Variants in TCF7L2 observed in about 807,000 individuals in gnomAD.
The protein encoded by TCF7L2 is transcription factor 7 like 2, also known as transcription factor 7-like 2.
TCF7L2 carries 23 observed loss-of-function variants against 77.9 expected under a neutral mutation model. The ratio of observed to expected loss-of-function variants is 0.30; its 90% CI spans 0.21 to 0.42. The LOEUF (loss-of-function observed/expected upper bound fraction) is 0.42, where lower values mean the gene tolerates loss of function less well. Among genes scored for constraint, TCF7L2 ranks in the 10% least tolerant of loss-of-function variants. TCF7L2 has a pLI of 1.00. For synonymous variants in TCF7L2, 413 were observed against 340.2 expected (o/e 1.21, Z -2.36); for missense variants, 654 against 793.1 (o/e 0.82, Z 2.11).
At chr10:113,095,713 A>T (rs1176183869) in intron 5 of TCF7L2, among the ~76,000 whole-genome samples, 1 of 152,104 alleles carries the variant, frequency 6.6e-6, no homozygotes, top group Admixed American at 6.5e-5. Flanking sequence ...TGTAAACGCT[A>T]TCCTTTTCAT....
intron 4 of TCF7L2, among the ~76,000 whole-genome samples, chr10:113,019,783 A>G (rs2047978120): frequency 7.3e-6 from 1 of 136,370 alleles, no homozygotes; most frequent in African/African-American, 3.2e-5. Context: ...GCAGGCGGTC[A>G]CATGAACAGC....
chr10:113,163,668 GA>G (rs2073558108), intron 13 of TCF7L2, among the ~76,000 whole-genome samples: 1 of 152,092 alleles, frequency 6.6e-6, no homozygotes, highest in South Asian at 2.1e-4. Flanking sequence ...CTCCCAGGGA[GA>G]AAAAGGAACC....
intron 4 of TCF7L2, among the ~76,000 whole-genome samples, chr10:113,036,976 C>T (rs1420116906): frequency 6.6e-6 from 1 of 152,046 alleles, no homozygotes; most frequent in Non-Finnish European, 1.5e-5. Context: ...TGAGATGCCC[C>T]CTCCTTTAGG....
At chr10:113,114,697 C>T (rs544746798) in intron 5 of TCF7L2, among the ~76,000 whole-genome samples, 15 of 152,070 alleles carry the variant, frequency 9.9e-5, no homozygotes, top group East Asian at 1.9e-4. Flanking sequence ...TGGCTTTGCA[C>T]GGGAGCACTT....
At chr10:113,092,727 G>A (rs572641546) in intron 5 of TCF7L2, among the ~76,000 whole-genome samples, 1 of 152,256 alleles carries the variant, frequency 6.6e-6, no homozygotes, top group South Asian at 2.1e-4. Context: ...AACCAGGCGT[G>A]GTGGCACATG....
At chr10:113,071,746 A>G (rs1377281281) in intron 5 of TCF7L2, among the ~76,000 whole-genome samples, 2 of 152,134 alleles carry the variant, frequency 1.3e-5, no homozygotes, top group African/African-American at 4.8e-5. Flanking sequence ...GCCTAGCACA[A>G]TAGAGACCCT....
At chr10:113,004,926 G>A (rs1159735248) in intron 4 of TCF7L2, among the ~76,000 whole-genome samples, 8 of 152,136 alleles carry the variant, frequency 5.3e-5, no homozygotes, top group Non-Finnish European at 7.4e-5. Flanking sequence ...CGCCCGCCTC[G>A]GCCTCCCAAA....
At chr10:113,129,155 T>G in intron 5 of TCF7L2, 1 of 238,760 alleles carries the variant, frequency 4.2e-6, no homozygotes, top group Non-Finnish European at 6.8e-6. Context: ...GGCAAGGCCC[T>G]GCAAAGTGTC....
intron 4 of TCF7L2, among the ~76,000 whole-genome samples, chr10:113,025,800 A>G (rs879452283): frequency 6.6e-6 from 1 of 152,138 alleles, no homozygotes; most frequent in Admixed American, 6.5e-5. Flanking sequence ...TCATTTTTTC[A>G]AAGCCCCAGA....
intron 6 of TCF7L2, among the ~76,000 whole-genome samples, chr10:113,143,513 T>C (rs1245792639): frequency 1.3e-5 from 2 of 152,226 alleles, no homozygotes; most frequent in East Asian, 1.9e-4. Context: ...GAGTAGCTCT[T>C]GTGCAGGTAA....
intron 5 of TCF7L2, among the ~76,000 whole-genome samples, chr10:113,097,668 A>AC (rs2061181651): frequency 7.7e-6 from 1 of 129,062 alleles, no homozygotes; most frequent in Non-Finnish European, 1.8e-5. Flanking sequence ...AAAAAAAAAA[A>AC]AAAAAACAAC....
intron 4 of TCF7L2, among the ~76,000 whole-genome samples, chr10:112,968,180 G>A (rs1468088045): frequency 2.0e-5 from 3 of 152,016 alleles, no homozygotes; most frequent in African/African-American, 7.2e-5. Context: ...TTTTTGAGCC[G>A]CTCAGTCTCT....
chr10:112,974,020 G>A (rs190583773), intron 4 of TCF7L2, among the ~76,000 whole-genome samples: 10 of 152,294 alleles, frequency 6.6e-5, no homozygotes, highest in Admixed American at 1.3e-4. Flanking sequence ...TGGTGGACAC[G>A]GGACAAGACA....
intron 5 of TCF7L2, among the ~76,000 whole-genome samples, chr10:113,124,756 G>A (rs978548461): frequency 2.0e-5 from 3 of 151,432 alleles, no homozygotes; most frequent in South Asian, 2.1e-4. Flanking sequence ...TAATGATCTC[G>A]TAAAACGTTT....
chr10:113,023,781 G>A (rs2048631494), intron 4 of TCF7L2, among the ~76,000 whole-genome samples: 3 of 151,994 alleles, frequency 2.0e-5, no homozygotes, highest in Non-Finnish European at 4.4e-5. Flanking sequence ...CCATTCTCCT[G>A]AATCAGCCTC....
At chr10:113,085,446 T>G (rs1321559627) in intron 5 of TCF7L2, among the ~76,000 whole-genome samples, 1 of 152,126 alleles carries the variant, frequency 6.6e-6, no homozygotes, top group Non-Finnish European at 1.5e-5. Context: ...TTTCAAATGC[T>G]TTTTACCTCT....
chr10:113,104,281 C>T (rs561631909), intron 5 of TCF7L2, among the ~76,000 whole-genome samples: 1 of 152,298 alleles, frequency 6.6e-6, no homozygotes, highest in Admixed American at 6.5e-5. Flanking sequence ...TTTGACTTCT[C>T]CTCTGTGATG....
chr10:112,964,923 G>A (rs2036385254), intron 4 of TCF7L2, among the ~76,000 whole-genome samples: 1 of 152,038 alleles, frequency 6.6e-6, no homozygotes, highest in Non-Finnish European at 1.5e-5. Flanking sequence ...TGTGCTTATT[G>A]TTAAGAGTTT....
chr10:113,095,513 G>C (rs190768510), intron 5 of TCF7L2, among the ~76,000 whole-genome samples: 1 of 152,306 alleles, frequency 6.6e-6, no homozygotes, highest in African/African-American at 2.4e-5. Context: ...GGGCACTGCA[G>C]TGCCTCCCTG....
Sources: gnomAD v4.1 joint callset for allele counts (sites outside exome capture counted in the v4.1 genomes callset) on GRCh38, gnomAD v4.1.1 for gene constraint, MANE v1.5 for transcripts, NCBI Gene and HGNC (gene_info 2026-07-23, HGNC 2026-07-21) for gene names.